Variants in GDAP1 observed in about 807,000 individuals in gnomAD.
GDAP1 encodes ganglioside-induced differentiation-associated protein 1.
In GDAP1, 34 loss-of-function variants were observed where a neutral mutation model predicts 40.1. That is an observed-to-expected ratio of 0.85 (90% confidence interval 0.64 to 1.13). The LOEUF (loss-of-function observed/expected upper bound fraction) is 1.13, where lower values mean the gene tolerates loss of function less well. GDAP1 is among the 50% of genes most tolerant of loss of function. The probability of loss-of-function intolerance (pLI) is 0.00; values close to 1 mark genes in which losing one functional copy is unlikely to be tolerated. For missense variants in GDAP1, 374 were observed against 433.7 expected, an observed-to-expected ratio of 0.86 and a Z score of 1.22; for synonymous variants, 170 against 157.4, an observed-to-expected ratio of 1.08 and a Z score of -0.60.
chr8:74,363,872 C>A, intron 5 of GDAP1, 113 bp from the exon 6 acceptor site: 1 of 830,074 alleles, frequency 1.2e-6, no homozygotes, highest in Non-Finnish European at 2.1e-6. Context: ...ATATAATGTC[C>A]TTCATCTTTT....
chr8:74,404,326 A>G (rs1372171606), intron 2 of GDAP1, among the ~76,000 whole-genome samples: 2 of 149,528 alleles, frequency 1.3e-5, no homozygotes, highest in East Asian at 3.9e-4. Context: ...TCACCAACCT[A>G]TAGTAGCTAG....
chr8:74,448,157 T>G (rs1806255724), intron 2 of GDAP1, among the ~76,000 whole-genome samples: 1 of 152,194 alleles, frequency 6.6e-6, no homozygotes, highest in Non-Finnish European at 1.5e-5. Flanking sequence ...TAGAAATTTC[T>G]CAATCATTAC....
intron 2 of GDAP1, among the ~76,000 whole-genome samples, chr8:74,352,035 T>C (rs1265808905): frequency 6.6e-6 from 1 of 152,246 alleles, no homozygotes; most frequent in Non-Finnish European, 1.5e-5. Context: ...TTATAATTTC[T>C]TCAATAATGT....
intron 2 of GDAP1, among the ~76,000 whole-genome samples, chr8:74,357,200 T>C (rs1809141871): frequency 6.6e-6 from 1 of 152,178 alleles, no homozygotes; most frequent in African/African-American, 2.4e-5. Flanking sequence ...AAGGGAGACT[T>C]GAAAGTTGTA....
chr8:74,370,486 A>G (rs1298459801), downstream of GDAP1, among the ~76,000 whole-genome samples: 1 of 152,218 alleles, frequency 6.6e-6, no homozygotes, highest in Non-Finnish European at 1.5e-5. Flanking sequence ...AAACTCTGAT[A>G]AGAACACGTT....
At chr8:74,370,234 AAT>A (rs1245144905), downstream of GDAP1, among the ~76,000 whole-genome samples, 1 of 152,248 alleles carries the variant, frequency 6.6e-6, no homozygotes, top group Non-Finnish European at 1.5e-5. Context: ...GAACAAGAAT[AAT>A]AGCATTATTA....
chr8:74,468,540 T>A (rs937100564), intron 2 of GDAP1, among the ~76,000 whole-genome samples: 1 of 150,702 alleles, frequency 6.6e-6, no homozygotes, highest in African/African-American at 2.4e-5. Context: ...TGTGTATATA[T>A]ACACACACAC....
intron 2 of GDAP1, among the ~76,000 whole-genome samples, chr8:74,436,717 C>T (rs552625925): frequency 1.3e-5 from 2 of 152,264 alleles, no homozygotes; most frequent in South Asian, 2.1e-4. Flanking sequence ...CCACTGCGCC[C>T]GGCCACCATC....
rs189154891 is a variant in GDAP1, at chr8:74,425,685, G to A, written c.166-62993G>A. On this transcript the variant is annotated intron_variant, in intron 2 of 2. Transcript: ENST00000523640. ...TGATTAAAAGTGGAGATCCATTTGA[G>A]CCTTTGAGTGAAGAGTGACATAAGA... Among the ~76,000 whole-genome samples, 7 of 152,212 alleles carry A rather than the reference G, an allele frequency of 4.6e-5. No individual in the cohort carries two copies. In the East Asian group the frequency reaches 1.4e-3, roughly 29 times the overall value.
intron 2 of GDAP1, among the ~76,000 whole-genome samples, chr8:74,488,417 A>T (rs886453796): frequency 2.6e-5 from 4 of 152,054 alleles, no homozygotes; most frequent in African/African-American, 9.7e-5. Flanking sequence ...ACCCTCATCA[A>T]TTTTTAGTGT....
intron 2 of GDAP1, among the ~76,000 whole-genome samples, chr8:74,396,234 G>GTTT (rs34858597): frequency 6.6e-6 from 1 of 151,778 alleles, no homozygotes; most frequent in Non-Finnish European, 1.5e-5. Context: ...TCAGAAAAAT[G>GTTT]TTTTTAAAAA....
chr8:74,384,457 T>G (rs1415113588), intron 2 of GDAP1, among the ~76,000 whole-genome samples: 1 of 152,188 alleles, frequency 6.6e-6, no homozygotes, highest in Admixed American at 6.5e-5. Flanking sequence ...AAACCCCAAT[T>G]GTTCAACTCT....
At chr8:74,448,958 T>A (rs1443414233) in intron 2 of GDAP1, among the ~76,000 whole-genome samples, 1 of 152,086 alleles carries the variant, frequency 6.6e-6, no homozygotes, top group African/African-American at 2.4e-5. Context: ...TGTGTTACTG[T>A]ATTGTTTTCC....
intron 2 of GDAP1, among the ~76,000 whole-genome samples, chr8:74,387,375 G>A (rs1390947100): frequency 6.6e-6 from 1 of 152,204 alleles, no homozygotes; most frequent in Admixed American, 6.5e-5. Flanking sequence ...AGTTTATTGA[G>A]TGTTTTTAGC....
At chr8:74,398,072 G>A (rs7350096) in intron 2 of GDAP1, among the ~76,000 whole-genome samples, 36,134 of 150,536 alleles carry the variant, frequency 0.24, 5,108 homozygotes, top group Non-Finnish European at 0.32. Flanking sequence ...GGTCCTTCAC[G>A]TCCCTTGTAA....
intron 2 of GDAP1, among the ~76,000 whole-genome samples, chr8:74,433,543 T>C (rs1019177358): frequency 1.3e-5 from 2 of 152,238 alleles, no homozygotes; most frequent in Admixed American, 6.5e-5. Context: ...CAGTAAATAT[T>C]TGATGAATGA....
rs1809284445 is a variant in GDAP1, at chr8:74,360,130, A to G, written c.311-7A>G. The G allele has an allele frequency of 3.1e-6, 5 of 1,606,624 alleles. No homozygotes were observed. Among genetic ancestry groups the G allele is most frequent in the South Asian group, 1.1e-5 (1 of 90,900 alleles). On this transcript the variant is annotated splice_polypyrimidine_tract_variant and splice_region_variant and intron_variant, in intron 2 of 5. Coordinates refer to ENST00000220822, the MANE Select transcript of GDAP1 (RefSeq NM_018972.4). ...TTTTCTTCAATATTTGTGTGTGTGTATTTTAGAAAGAACACCCAGGTTAAT... is the reference window on the plus strand; with the variant it reads ...TTTTCTTCAATATTTGTGTGTGTGTGTTTTAGAAAGAACACCCAGGTTAAT...
In GDAP1 at chr8:74,356,692, T is replaced by TGTGTTTG. The variant is rs1563440290; in HGVS notation, c.311-3445_311-3444insGTGTTTG. Among the ~76,000 whole-genome samples, 899 of 95,184 alleles carry TGTGTTTG rather than the reference T, an allele frequency of 9.4e-3. 7 individuals carry two copies. Among genetic ancestry groups the TGTGTTTG allele is most frequent in the Non-Finnish European group, 0.013 (654 of 48,486 alleles). 62.4% of individuals were successfully genotyped at this position (95,184 alleles called of 152,430 possible). A position where few individuals can be genotyped will look rare whatever the true frequency, so the allele number is the denominator to read the frequency against. On this transcript the variant is annotated intron_variant, in intron 2 of 5. Coordinates refer to ENST00000220822, the MANE Select transcript of GDAP1 (RefSeq NM_018972.4). ...TGTGTGTGTGTGTGTGTGTGTGTGT[T>TGTGTTTG]TGTGTGTGTGTATATATATATATAT...
At chr8:74,425,338 T>C (rs916888417) in intron 2 of GDAP1, among the ~76,000 whole-genome samples, 2 of 152,198 alleles carry the variant, frequency 1.3e-5, no homozygotes, top group Non-Finnish European at 2.9e-5. Context: ...CTTGTTTAAA[T>C]TGGAATATGA....
Sources: gnomAD v4.1 joint callset for allele counts (sites outside exome capture counted in the v4.1 genomes callset) on GRCh38, gnomAD v4.1.1 for gene constraint, MANE v1.5 for transcripts, NCBI Gene and HGNC (gene_info 2026-07-23, HGNC 2026-07-21) for gene names.